Variants in SRPK2 observed in about 807,000 individuals in gnomAD.
SRPK2 encodes SFRS protein kinase 2.
A neutral mutation model predicts 90.8 loss-of-function variants in SRPK2; 21 were observed. That is an observed-to-expected ratio of 0.23 (90% confidence interval 0.16 to 0.33). SRPK2 has a LOEUF of 0.33. Among genes scored for constraint, SRPK2 ranks in the 10% least tolerant of loss-of-function variants. The probability of loss-of-function intolerance (pLI) is 1.00; values close to 1 mark genes in which losing one functional copy is unlikely to be tolerated. For synonymous variants in SRPK2, 288 were observed against 311.1 expected (o/e 0.93, Z 0.78); for missense variants, 620 against 869.0 (o/e 0.71, Z 3.60).
intron 2 of SRPK2, among the ~76,000 whole-genome samples, chr7:105,215,924 C>T (rs1199804929): frequency 6.6e-6 from 1 of 152,002 alleles, no homozygotes; most frequent in Non-Finnish European, 1.5e-5. Context: ...GGTGCAGCTG[C>T]ACAAGCTGAT....
At chr7:105,285,277 T>C (rs1361733322) in intron 2 of SRPK2, among the ~76,000 whole-genome samples, 1 of 150,028 alleles carries the variant, frequency 6.7e-6, no homozygotes, top group Admixed American at 6.7e-5. Flanking sequence ...TCCCAGCTAC[T>C]CGGGAGGCTG....
intron 2 of SRPK2, among the ~76,000 whole-genome samples, chr7:105,325,071 T>A (rs1342995258): frequency 6.6e-6 from 1 of 152,020 alleles, no homozygotes; most frequent in Non-Finnish European, 1.5e-5. Context: ...CCAACTGTAT[T>A]CTCCCCCAGA....
At chr7:105,231,400 G>C (rs779946282) in intron 2 of SRPK2, among the ~76,000 whole-genome samples, 6 of 152,132 alleles carry the variant, frequency 3.9e-5, no homozygotes, top group Non-Finnish European at 8.8e-5. Context: ...CTTCATGGTA[G>C]AATGACTTAT....
At chr7:105,165,669 AATCAGCACTCTGTAAAATGGACCAATC>A (rs1417585105) in intron 6 of SRPK2, among the ~76,000 whole-genome samples, 1 of 152,216 alleles carries the variant, frequency 6.6e-6, no homozygotes. Context: ...TAAATGCACC[AATCAGCACTCTGTAAAATGGACCAATC>A]GGCAGGTCCA....
intron 2 of SRPK2, among the ~76,000 whole-genome samples, chr7:105,385,115 G>A (rs988256304): frequency 2.1e-5 from 3 of 144,044 alleles, no homozygotes; most frequent in Admixed American, 1.4e-4. Flanking sequence ...CTCGTGATCC[G>A]CCCGCCTCGG....
At chr7:105,208,294 T>C (rs1227887217) in intron 2 of SRPK2, among the ~76,000 whole-genome samples, 3 of 152,190 alleles carry the variant, frequency 2.0e-5, no homozygotes, top group Non-Finnish European at 4.4e-5. Flanking sequence ...CTCCCAAGTA[T>C]ATACCCAAGA....
At chr7:105,224,919 G>A (rs941619125) in intron 2 of SRPK2, among the ~76,000 whole-genome samples, 2 of 152,084 alleles carry the variant, frequency 1.3e-5, no homozygotes, top group East Asian at 1.9e-4. Context: ...TAAAACACAC[G>A]AGCTAAAACA....
At chr7:105,375,979 A>ATTTTT (rs1585959171) in intron 2 of SRPK2, among the ~76,000 whole-genome samples, 1 of 42,828 alleles carries the variant, frequency 2.3e-5, no homozygotes, top group Non-Finnish European at 4.9e-5. Flanking sequence ...ATGAGAATTC[A>ATTTTT]TTTCTTTTTT....
intron 11 of SRPK2, among the ~76,000 whole-genome samples, chr7:105,140,011 T>C (rs982006820): frequency 1.3e-5 from 2 of 152,282 alleles, no homozygotes; most frequent in African/African-American, 4.8e-5. Flanking sequence ...ATAACCTACA[T>C]ATATCTTCCT....
chr7:105,349,779 G>A (rs772308832), intron 2 of SRPK2, among the ~76,000 whole-genome samples: 4 of 151,748 alleles, frequency 2.6e-5, no homozygotes, highest in Non-Finnish European at 5.9e-5. Flanking sequence ...TCGCTCTGTC[G>A]CCAGGCTGGT....
chr7:105,252,990 G>A (rs1165716095), intron 2 of SRPK2, among the ~76,000 whole-genome samples: 6 of 152,050 alleles, frequency 3.9e-5, no homozygotes, highest in South Asian at 2.1e-4. Context: ...GGATCTGCCC[G>A]CCTCAGCCTC....
At chr7:105,203,969 CAAA>C (rs34581245) in intron 2 of SRPK2, among the ~76,000 whole-genome samples, 184 bp from the exon 3 acceptor site, 1 of 146,520 alleles carries the variant, frequency 6.8e-6, no homozygotes. Context: ...TAAGTCAGGC[CAAA>C]AAAAAAAAAA....
chr7:105,118,357 G>T (rs1799851170), intron 15 of SRPK2, among the ~76,000 whole-genome samples: 1 of 152,110 alleles, frequency 6.6e-6, no homozygotes, highest in Non-Finnish European at 1.5e-5. Context: ...ATTTCAACCT[G>T]GGATCTTCCG....
At chr7:105,332,394 A>G (rs1245985107) in intron 2 of SRPK2, among the ~76,000 whole-genome samples, 1 of 152,126 alleles carries the variant, frequency 6.6e-6, no homozygotes, top group Non-Finnish European at 1.5e-5. Flanking sequence ...AAAAAAAATT[A>G]CTCTTCCTAA....
intron 2 of SRPK2, among the ~76,000 whole-genome samples, chr7:105,248,146 C>A (rs1228335340): frequency 6.6e-6 from 1 of 152,188 alleles, no homozygotes; most frequent in Non-Finnish European, 1.5e-5. Flanking sequence ...AGCCACTGCG[C>A]CCAGTCGGCC....
chr7:105,177,432 C>T (rs2129594976), intron 3 of SRPK2, among the ~76,000 whole-genome samples: 1 of 152,136 alleles, frequency 6.6e-6, no homozygotes, highest in South Asian at 2.1e-4. Context: ...TATTTGTTGT[C>T]AATGATGTTC....
rs770942003 is a variant in SRPK2, at chr7:105,143,295, C to T, written c.849G>A (p.Leu283=). ...CAGCCTGCCTCTTCTGTTTCTTTTT[C>T]AGTTTTTTCTTTTTGTTTTTAGATA... ...GKISKNKKKK[L]KKKQKRQAEL... The change falls in exon 10 of 16, where the codon CTG becomes CTA. Residue 283 remains leucine, a synonymous_variant. Coordinates refer to ENST00000393651, the MANE Select transcript of SRPK2 (RefSeq NM_182692.3). 7 of 1,612,848 alleles carry T rather than the reference C, an allele frequency of 4.3e-6. No individual in the cohort carries two copies. The highest frequency in any genetic ancestry group is 5.9e-6 in the Non-Finnish European group (7 of 1,179,814).
chr7:105,267,453 G>A (rs1052672155), intron 2 of SRPK2, among the ~76,000 whole-genome samples: 1 of 152,038 alleles, frequency 6.6e-6, no homozygotes, highest in African/African-American at 2.4e-5. Flanking sequence ...CATTTTACTG[G>A]CAGAATATTC....
At chr7:105,266,201 T>G (rs748406946) in intron 2 of SRPK2, among the ~76,000 whole-genome samples, 15 of 152,162 alleles carry the variant, frequency 9.9e-5, no homozygotes, top group Non-Finnish European at 1.3e-4. Context: ...ATCGTATGTA[T>G]ATTTTTCAGT....
Sources: gnomAD v4.1 joint callset for allele counts (sites outside exome capture counted in the v4.1 genomes callset) on GRCh38, gnomAD v4.1.1 for gene constraint, MANE v1.5 for transcripts, NCBI Gene and HGNC (gene_info 2026-07-23, HGNC 2026-07-21) for gene names.